The following EMC1 variants were observed in gnomAD, a reference collection of about 807,000 sequenced individuals.
EMC1 encodes ER membrane protein complex subunit 1, also known as KIAA0090.
Under a neutral mutation model 128.8 loss-of-function variants are expected in EMC1, and 103 were observed. The ratio of observed to expected loss-of-function variants is 0.80; its 90% CI spans 0.68 to 0.94. The LOEUF (loss-of-function observed/expected upper bound fraction) is 0.94. Ranked by LOEUF, EMC1 falls within the 40% of genes least tolerant of loss-of-function variation. EMC1 has a pLI of 0.00. For synonymous variants in EMC1, 442 were observed against 490.4 expected (o/e 0.90, Z 1.30); for missense variants, 1,083 against 1,250.6 (o/e 0.87, Z 2.02).
At chr1:19,233,503 A>T (rs1281518564) in intron 13 of EMC1, among the ~76,000 whole-genome samples, 1 of 152,190 alleles carries the variant, frequency 6.6e-6, no homozygotes, top group Admixed American at 6.5e-5. Context: ...AAGCCAGAAG[A>T]GGTATGAGTG....
Position 19,217,675 on chromosome 1 carries a change from T to C in EMC1, c.*1628A>G, listed in dbSNP as rs546624325. The C allele has an allele frequency of 1.3e-5, 2 of 152,330 alleles. No homozygotes were observed. Among genetic ancestry groups the C allele is most frequent in the African/African-American group, 4.8e-5 (2 of 41,582 alleles). 9.4% of individuals were successfully genotyped at this position (152,330 alleles called of 1,614,324 possible). ...ATCTTGCAGGCTAACCTTGCACATA[T>C]GTATGTAAGACAGTCAGAATTCCAG... On this transcript the variant is annotated 3_prime_UTR_variant, in exon 23 of 23. Coordinates refer to ENST00000477853, the MANE Select transcript of EMC1 (RefSeq NM_015047.3).
At position 19,222,650 on chromosome 1, in the gene EMC1, C is replaced by T. The variant is rs778393984; in HGVS notation, c.2561G>A (p.Arg854Gln). ...ISAMEATITE[R>Q]GITSRHLLIG... ...CAGCAGGTGTCGGCTGGTGATGCCCCGTTCGGTGATGGTGGCCTCCATGGC... is the reference window on the plus strand; with the variant it reads ...CAGCAGGTGTCGGCTGGTGATGCCCTGTTCGGTGATGGTGGCCTCCATGGC... The change falls in exon 20 of 23, where the codon CGG becomes CAG. Residue 854 changes from arginine to glutamine, a missense_variant. By Grantham distance (43) the Arg-to-Gln change is conservative. Around this residue, in one of 3 missense-constraint regions of EMC1, gnomAD observed 527 missense variants for 644.1 expected, o/e 0.82. Transcript: ENST00000477853. 3.0e-5 allele frequency: 48 copies of T among 1,613,878 alleles called. No individual in the cohort carries two copies. The highest frequency in any genetic ancestry group is 3.8e-5 in the Non-Finnish European group (45 of 1,180,008).
intron 17 of EMC1, among the ~76,000 whole-genome samples, chr1:19,228,117 A>G (rs2093490541): frequency 6.6e-6 from 1 of 151,480 alleles, no homozygotes; most frequent in African/African-American, 2.4e-5. Context: ...AGGCAAGAGA[A>G]TCACTTGAAC....
intron 17 of EMC1, among the ~76,000 whole-genome samples, chr1:19,229,712 G>C (rs938171207): frequency 3.3e-5 from 5 of 152,204 alleles, no homozygotes; most frequent in Non-Finnish European, 5.9e-5. Flanking sequence ...TGTCACAAAA[G>C]GGCGCTGCAT....
At chr1:19,244,788 T>C in intron 2 of EMC1, 118 bp downstream of exon 2, 1 of 1,152,036 alleles carries the variant, frequency 8.7e-7, no homozygotes, top group Non-Finnish European at 1.3e-6. Flanking sequence ...CAGAATCCAC[T>C]AGGAGAGGCA....
chr1:19,233,629 A>G (rs1022965698), intron 13 of EMC1, among the ~76,000 whole-genome samples: 1 of 152,060 alleles, frequency 6.6e-6, no homozygotes, highest in Admixed American at 6.6e-5. Flanking sequence ...CGTACTTGCA[A>G]CGAGTTCCCA....
In EMC1 at chr1:19,244,894, C is replaced by G. The variant is rs527435205; in HGVS notation, c.220+12G>C. The stretch of plus-strand genomic sequence containing the variant: ...TGAGGCAGCCAGTAGACACAGTTCT[C>G]AGTTCACTCACAGATCTCCCCAGTT... On this transcript the variant is annotated intron_variant, in intron 2 of 22. Coordinates refer to ENST00000477853, the MANE Select transcript of EMC1 (RefSeq NM_015047.3). 22 of 1,613,254 alleles carry G rather than the reference C, an allele frequency of 1.4e-5. 1 individual carries two copies. The South Asian group carries it at 2.1e-4, about 15-fold the overall frequency.
intron 17 of EMC1, among the ~76,000 whole-genome samples, chr1:19,229,729 A>G (rs1468210656): frequency 6.6e-6 from 1 of 152,198 alleles, no homozygotes; most frequent in Non-Finnish European, 1.5e-5. Context: ...GCATTTTCAA[A>G]ACAACAGCAC....
At chr1:19,243,739 T>A in intron 3 of EMC1, 32 bp from the exon 4 acceptor site, 1 of 1,604,558 alleles carries the variant, frequency 6.2e-7, no homozygotes, top group Non-Finnish European at 8.5e-7. Flanking sequence ...TGAAGTCATT[T>A]CCCACTTGCT....
chr1:19,240,911 G>A, intron 6 of EMC1, 105 bp downstream of exon 6: 1 of 1,317,504 alleles, frequency 7.6e-7, no homozygotes, highest in East Asian at 2.3e-5. Context: ...AGCATAAGTA[G>A]CTTTTGCATC....
chr1:19,250,665 G>A (rs978551528), intron 1 of EMC1, among the ~76,000 whole-genome samples: 8 of 152,208 alleles, frequency 5.3e-5, no homozygotes, highest in African/African-American at 1.9e-4. Context: ...CAATGAGCCA[G>A]GCATTGTGCT....
chr1:19,244,417 C>CAT (rs1003913389), intron 2 of EMC1, among the ~76,000 whole-genome samples: 3 of 152,076 alleles, frequency 2.0e-5, no homozygotes, highest in African/African-American at 7.2e-5. Context: ...TTTGCAGCAG[C>CAT]ATCTTTTTTT....
intron 11 of EMC1, among the ~76,000 whole-genome samples, chr1:19,237,609 A>T (rs1489646340): frequency 6.6e-6 from 1 of 152,178 alleles, no homozygotes; most frequent in African/African-American, 2.4e-5. Flanking sequence ...CACAGAGGCA[A>T]TACTGGGTAG....
chr1:19,239,915 G>A lies in EMC1; in HGVS notation c.857C>T (p.Ala286Val). ...VLPTQPNPVD[A>V]SRAQFFLHLS... Reference sequence around the variant, plus strand: ...GTGCAGGAAGAACTGGGCCCGGGAAGCGTCCACTGGGTTGGGCTGGGTAGG... The same window carrying A: ...GTGCAGGAAGAACTGGGCCCGGGAAACGTCCACTGGGTTGGGCTGGGTAGG... The change falls in exon 8 of 23, where the codon GCT (alanine) becomes GTT (valine). Residue 286 changes from alanine to valine, a missense_variant. Ala to Val is a moderately conservative substitution (Grantham distance 64, BLOSUM62 0). This residue lies in a region of EMC1 where 544 missense variants were observed against 572.4 expected (regional missense o/e 0.95). Transcript: ENST00000477853. 3 of 1,614,120 alleles carry A rather than the reference G, an allele frequency of 1.9e-6. No individual in the cohort carries two copies. Among genetic ancestry groups the A allele is most frequent in the Non-Finnish European group, 1.7e-6 (2 of 1,179,986 alleles).
chr1:19,238,822 C>G lies in EMC1; in HGVS notation c.1062G>C (p.Gly354=). ...KSSSSEDGSM[G]SFSEKSSSKD... is the part of the protein sequence containing the mutation. ...TTGAACTAGACTTCTCCGAAAAGCTCCCCATTGACCCATCTTCAGAACTGC... is the reference window on the plus strand; with the variant it reads ...TTGAACTAGACTTCTCCGAAAAGCTGCCCATTGACCCATCTTCAGAACTGC... Residue 354 remains glycine (G), a synonymous_variant, in exon 10 of 23, where the codon GGG becomes GGC. Transcript: ENST00000477853. 6.2e-7 allele frequency: 1 copy of G among 1,611,810 alleles called. No individual in the cohort carries two copies. Among genetic ancestry groups the G allele is most frequent in the South Asian group, 1.1e-5 (1 of 91,010 alleles).
intron 8 of EMC1, 40 bp from the exon 9 acceptor site, chr1:19,239,342 G>A (rs1267093030): frequency 1.1e-5 from 18 of 1,569,044 alleles, no homozygotes; most frequent in Non-Finnish European, 1.6e-5. Context: ...AATGGGACCA[G>A]TACTAGCCAG....
In EMC1 at chr1:19,232,626, T is replaced by C. The variant is rs551053110; in HGVS notation, c.1780A>G (p.Lys594Glu). ...CAAGTCAGAGCTGGATGCCTCACCT[T>C]GTCCTTCACCAGCAGGGTGCACTGT... ...PPQCTLLVKDKESGMSSLYVF... is the reference protein window; with the variant it reads ...PPQCTLLVKDEESGMSSLYVF... Residue 594 changes from lysine to glutamate, a missense_variant and splice_region_variant, in exon 15 of 23, where the codon AAG (lysine) becomes GAG (glutamate). By Grantham distance (56) the Lys-to-Glu change is moderately conservative (BLOSUM62 1). Transcript: ENST00000477853. 4 of 1,614,032 alleles carry C rather than the reference T, an allele frequency of 2.5e-6. 1 individual carries two copies. In the Admixed American group the frequency reaches 6.7e-5, roughly 27 times the overall value.
At chr1:19,233,297 T>G (rs754318319) in intron 13 of EMC1, among the ~76,000 whole-genome samples, 162 bp from the exon 14 acceptor site, 10 of 152,180 alleles carry the variant, frequency 6.6e-5, no homozygotes, top group Non-Finnish European at 1.2e-4. Context: ...GCCCAAAGTC[T>G]CACACTCAGG....
At position 19,250,174 on chromosome 1, in the gene EMC1, C is replaced by G. The variant is rs536069549; in HGVS notation, c.95+1241G>C. On this transcript the variant is annotated intron_variant, in intron 1 of 22. Coordinates refer to ENST00000477853, the MANE Select transcript of EMC1 (RefSeq NM_015047.3). ...CGGAGGTTGTGGTGAGCCATGAGATCGCGCCATTACACTCCAGCCTGGGCA... is the reference window on the plus strand; with the variant it reads ...CGGAGGTTGTGGTGAGCCATGAGATGGCGCCATTACACTCCAGCCTGGGCA... Among the ~76,000 whole-genome samples the G allele has an allele frequency of 1.4e-4, 18 of 131,358 alleles. 1 individual carries two copies. In the South Asian group the frequency reaches 4.1e-3, roughly 30 times the overall value. 86.2% of individuals were successfully genotyped at this position (131,358 alleles called of 152,430 possible).
Sources: gnomAD v4.1 joint callset for allele counts (sites outside exome capture counted in the v4.1 genomes callset) on GRCh38, gnomAD v4.1.1 for gene constraint, gnomAD v4.1.1 regional missense constraint, MANE v1.5 for transcripts, NCBI Gene and HGNC (gene_info 2026-07-23, HGNC 2026-07-21) for gene names.